The following SMARCC1 variants were observed in gnomAD, a reference collection of about 807,000 sequenced individuals.
The protein encoded by SMARCC1 is SWI/SNF related BAF chromatin remodeling complex subunit C1, also known as SWI/SNF complex subunit SMARCC1.
Under a neutral mutation model 147.4 loss-of-function variants are expected in SMARCC1, and 43 were observed. The ratio of observed to expected loss-of-function variants is 0.29; its 90% CI spans 0.23 to 0.38. The LOEUF is 0.38. Ranked by LOEUF, SMARCC1 falls within the 10% of genes least tolerant of loss-of-function variation. The pLI is 1.00. For missense variants in SMARCC1, 1,119 were observed against 1,381.1 expected (o/e 0.81, Z 3.01); for synonymous variants, 495 against 484.4 (o/e 1.02, Z -0.29).
chr3:47,619,144 G>T (rs1015219305), intron 25 of SMARCC1, among the ~76,000 whole-genome samples: 3 of 152,140 alleles, frequency 2.0e-5, no homozygotes, highest in Non-Finnish European at 4.4e-5. Context: ...CCCATCTCCT[G>T]GGAACTCCTC....
intron 2 of SMARCC1, among the ~76,000 whole-genome samples, chr3:47,757,433 C>A (rs894078566): frequency 1.3e-5 from 2 of 151,840 alleles, no homozygotes; most frequent in Non-Finnish European, 2.9e-5. Context: ...TACTAAATAA[C>A]CAAAATGTAA....
At chr3:47,646,458 C>T (rs1011552719) in intron 21 of SMARCC1, among the ~76,000 whole-genome samples, 1 of 152,122 alleles carries the variant, frequency 6.6e-6, no homozygotes, top group African/African-American at 2.4e-5. Flanking sequence ...ACGACTTAAA[C>T]AAGAAGGCAT....
intron 26 of SMARCC1, among the ~76,000 whole-genome samples, chr3:47,606,960 A>G (rs1334712088): frequency 6.6e-6 from 1 of 151,330 alleles, no homozygotes; most frequent in Non-Finnish European, 1.5e-5. Flanking sequence ...AGCGATCCTC[A>G]AGTCTTGGCC....
intron 12 of SMARCC1, among the ~76,000 whole-genome samples, chr3:47,691,545 T>C (rs1326698144): frequency 6.6e-6 from 1 of 151,160 alleles, no homozygotes; most frequent in African/African-American, 2.4e-5. Context: ...ACCTGGGAAG[T>C]GGAGGTTGCA....
At chr3:47,734,105 A>G (rs2034411931) in intron 5 of SMARCC1, among the ~76,000 whole-genome samples, 1 of 152,154 alleles carries the variant, frequency 6.6e-6, no homozygotes, top group Non-Finnish European at 1.5e-5. Context: ...TGTTTCCAGT[A>G]TGACCCGGTG....
intron 11 of SMARCC1, 68 bp from the exon 12 acceptor site, chr3:47,693,368 G>T (rs2033813015): frequency 2.3e-6 from 2 of 884,292 alleles, no homozygotes; most frequent in Non-Finnish European, 1.9e-6. Flanking sequence ...AAAGAAAACA[G>T]AATAGGACAT....
chr3:47,615,338 T>C (rs986174577), intron 25 of SMARCC1, among the ~76,000 whole-genome samples: 8 of 152,228 alleles, frequency 5.3e-5, no homozygotes, highest in African/African-American at 1.9e-4. Flanking sequence ...CAGTGAGTAT[T>C]TGGCAAATGA....
chr3:47,628,016 T>C (rs1301262151), intron 24 of SMARCC1, among the ~76,000 whole-genome samples: 1 of 152,070 alleles, frequency 6.6e-6, no homozygotes, highest in Non-Finnish European at 1.5e-5. Flanking sequence ...GCCACTGTGC[T>C]GGGTCTAAAC....
chr3:47,680,259 G>A (rs1430770773), intron 15 of SMARCC1, 178 bp downstream of exon 15: 6 of 538,720 alleles, frequency 1.1e-5, no homozygotes, highest in Middle Eastern at 2.8e-4. Flanking sequence ...AACAAAAAAC[G>A]AAACTAGATA....
At chr3:47,623,825 T>C (rs923416881) in intron 24 of SMARCC1, among the ~76,000 whole-genome samples, 2 of 152,072 alleles carry the variant, frequency 1.3e-5, no homozygotes, top group African/African-American at 4.8e-5. Context: ...ATTTCTGGTC[T>C]ATTTTTATGA....
intron 9 of SMARCC1, among the ~76,000 whole-genome samples, chr3:47,708,089 T>TC (rs1229986297): frequency 7.8e-4 from 44 of 56,296 alleles, no homozygotes; most frequent in African/African-American, 2.7e-3. Context: ...TTTTCTTTTT[T>TC]TTTTTTTTTT....
chr3:47,681,375 A>G (rs2033641722), intron 14 of SMARCC1, among the ~76,000 whole-genome samples: 1 of 152,202 alleles, frequency 6.6e-6, no homozygotes, highest in African/African-American at 2.4e-5. Context: ...TTCACTATCA[A>G]TTGCTTTTAA....
chr3:47,658,866 T>C (rs2033298285), intron 21 of SMARCC1, among the ~76,000 whole-genome samples: 1 of 152,106 alleles, frequency 6.6e-6, no homozygotes, highest in African/African-American at 2.4e-5. Flanking sequence ...ACACCTGTAA[T>C]CCCAACACTT....
intron 11 of SMARCC1, among the ~76,000 whole-genome samples, chr3:47,697,903 G>A (rs1318075668): frequency 6.7e-6 from 1 of 148,530 alleles, no homozygotes; most frequent in Non-Finnish European, 1.5e-5. Context: ...AGCTACTCAG[G>A]AGGCTGAGGC....
chr3:47,702,323 A>G (rs1304348733), intron 10 of SMARCC1, among the ~76,000 whole-genome samples: 1 of 151,956 alleles, frequency 6.6e-6, no homozygotes, highest in African/African-American at 2.4e-5. Flanking sequence ...AACATGATTC[A>G]TACAGAGAGA....
chr3:47,699,688 A>C (rs1251929466), intron 11 of SMARCC1, among the ~76,000 whole-genome samples: 1 of 152,098 alleles, frequency 6.6e-6, no homozygotes, highest in East Asian at 1.9e-4. Context: ...ATATACACCC[A>C]GTGCCCATCT....
intron 12 of SMARCC1, among the ~76,000 whole-genome samples, chr3:47,692,447 A>C: frequency 6.6e-6 from 1 of 152,258 alleles, no homozygotes; most frequent in East Asian, 1.9e-4. Context: ...ATACAGTATC[A>C]TTTTGCATAC....
intron 18 of SMARCC1, among the ~76,000 whole-genome samples, chr3:47,673,944 G>T (rs991712896): frequency 6.6e-6 from 1 of 152,162 alleles, no homozygotes; most frequent in African/African-American, 2.4e-5. Flanking sequence ...GAGCCACTGT[G>T]CCTGGCCAGA....
At chr3:47,662,669 C>CT in intron 19 of SMARCC1, 77 bp from the exon 20 acceptor site, 1 of 1,216,776 alleles carries the variant, frequency 8.2e-7, no homozygotes, top group Non-Finnish European at 1.2e-6. Flanking sequence ...CTTTAGATAG[C>CT]TTTTTTAAAA....
Sources: allele counts gnomAD v4.1 joint callset (sites outside exome capture counted in the v4.1 genomes callset), GRCh38; gene constraint gnomAD v4.1.1; transcripts MANE v1.5; gene names NCBI Gene and HGNC (gene_info 2026-07-23, HGNC 2026-07-21).